The following ULK4 variants were observed in gnomAD, a reference collection of about 807,000 sequenced individuals.
ULK4 encodes inactive serine/threonine-protein kinase ULK4.
A neutral mutation model predicts 160.6 loss-of-function variants in ULK4; 133 were observed. That is an observed-to-expected ratio of 0.83 (90% confidence interval 0.72 to 0.96). ULK4 has a LOEUF of 0.96. ULK4 is among the 40% of genes least tolerant of loss of function. The pLI is 0.00. For synonymous variants in ULK4, 534 were observed against 539.8 expected (o/e 0.99, Z 0.15); for missense variants, 1,580 against 1,499.5 (o/e 1.05, Z -0.89).
At chr3:41,580,709 C>T (rs991025455) in intron 31 of ULK4, among the ~76,000 whole-genome samples, 1 of 152,144 alleles carries the variant, frequency 6.6e-6, no homozygotes, top group Admixed American at 6.5e-5. Context: ...CTGCCTCATC[C>T]GGGTGCACAG....
intron 35 of ULK4, among the ~76,000 whole-genome samples, chr3:41,384,825 T>C (rs2081763309): frequency 6.6e-6 from 1 of 152,162 alleles, no homozygotes. Context: ...CCTCAGGTGA[T>C]CCACCCACCT....
At chr3:41,392,056 G>C (rs1047127558) in intron 35 of ULK4, among the ~76,000 whole-genome samples, 1 of 152,042 alleles carries the variant, frequency 6.6e-6, no homozygotes, top group Admixed American at 6.6e-5. Context: ...TCAATATTTT[G>C]AGTGTTGGAG....
intron 22 of ULK4, among the ~76,000 whole-genome samples, chr3:41,721,600 T>C (rs951116145): frequency 6.6e-6 from 1 of 151,494 alleles, no homozygotes; most frequent in Non-Finnish European, 1.5e-5. Flanking sequence ...ACTTCTGACC[T>C]CGTGATCCAC....
At chr3:41,480,639 GTTTTA>G (rs761857821) in intron 32 of ULK4, among the ~76,000 whole-genome samples, 2 of 151,894 alleles carry the variant, frequency 1.3e-5, no homozygotes, top group Admixed American at 6.5e-5. Flanking sequence ...ATATTCTATA[GTTTTA>G]TTTTAAGAAT....
chr3:41,306,033 C>T (rs905227304), intron 35 of ULK4, among the ~76,000 whole-genome samples: 2 of 149,722 alleles, frequency 1.3e-5, no homozygotes, highest in African/African-American at 2.5e-5. Flanking sequence ...GCAGTCGCCC[C>T]GTCTGAGAAG....
intron 34 of ULK4, among the ~76,000 whole-genome samples, chr3:41,444,146 T>C (rs955334392): frequency 1.3e-5 from 2 of 152,164 alleles, no homozygotes. Flanking sequence ...TTTACCAATA[T>C]ATATTCCCAC....
At chr3:41,811,707 T>C (rs541879002) in intron 19 of ULK4, among the ~76,000 whole-genome samples, 1 of 152,268 alleles carries the variant, frequency 6.6e-6, no homozygotes, top group South Asian at 2.1e-4. Context: ...TTAGAACACA[T>C]TGGGTTAAAC....
intron 34 of ULK4, among the ~76,000 whole-genome samples, chr3:41,418,646 T>C (rs2082588868): frequency 6.6e-6 from 1 of 151,182 alleles, no homozygotes; most frequent in African/African-American, 2.4e-5. Context: ...ATCTATCTCA[T>C]GTCAATTTAA....
At chr3:41,411,151 C>T (rs2082401220) in intron 34 of ULK4, among the ~76,000 whole-genome samples, 1 of 152,082 alleles carries the variant, frequency 6.6e-6, no homozygotes, top group Non-Finnish European at 1.5e-5. Flanking sequence ...TCTTGTAAAT[C>T]AAAAACAAAA....
At chr3:41,420,642 G>A (rs975882579) in intron 34 of ULK4, among the ~76,000 whole-genome samples, 2 of 151,212 alleles carry the variant, frequency 1.3e-5, no homozygotes, top group African/African-American at 4.9e-5. Flanking sequence ...CAGCTACCAT[G>A]CCTGGCTAAT....
rs771739181 is a variant in ULK4 at position 41,715,244 on chromosome 3, G to T, written c.2627C>A (p.Thr876Asn). Residue 876 changes from threonine to asparagine, a missense_variant, in exon 25 of 37, where the codon ACT (threonine) becomes AAT (asparagine). Transcript: ENST00000301831. ...AAATTTCGTGTTACTCACAAGAATA[G>T]TTCCATAGCTGAAAAGAAACTCTTC... ...VTEEFLFSYG[T>N]ILSHIKSVDS... 1 of 1,612,928 alleles carries T rather than the reference G, an allele frequency of 6.2e-7. No individual in the cohort carries two copies. Among genetic ancestry groups the T allele is most frequent in the South Asian group, 1.1e-5 (1 of 90,918 alleles).
At chr3:41,268,678 C>A (rs2079085940) in intron 35 of ULK4, among the ~76,000 whole-genome samples, 2 of 152,040 alleles carry the variant, frequency 1.3e-5, no homozygotes, top group Non-Finnish European at 2.9e-5. Flanking sequence ...TGGTGGTGTG[C>A]ACCTGCAGTT....
chr3:41,601,354 T>C (rs528672708), intron 31 of ULK4, among the ~76,000 whole-genome samples: 11 of 152,238 alleles, frequency 7.2e-5, no homozygotes, highest in Admixed American at 7.2e-4. Context: ...AGAGAATAAA[T>C]GGGAGAGGGA....
Position 41,897,079 on chromosome 3 carries a change from C to T in ULK4, c.1349-76G>A, listed in dbSNP as rs562615810. 3 of 1,323,774 alleles carry T rather than the reference C, an allele frequency of 2.3e-6. No individual in the cohort carries two copies. The South Asian group carries it at 4.2e-5, about 18-fold the overall frequency. 82.0% of individuals were successfully genotyped at this position (1,323,774 alleles called of 1,614,324 possible). On this transcript the variant is annotated intron_variant, in intron 14 of 36. Transcript: ENST00000301831. ...CTGGAAACATTACATAAGAAATAAA[C>T]ACAGAATTACGACAGCTAAGATGAG...
chr3:41,339,638 G>A (rs1254679372), intron 35 of ULK4, among the ~76,000 whole-genome samples: 3 of 152,120 alleles, frequency 2.0e-5, no homozygotes, highest in Non-Finnish European at 4.4e-5. Context: ...AGGTGGAATG[G>A]GGCTTTTCCG....
At chr3:41,783,222 T>C (rs2039907706) in intron 21 of ULK4, among the ~76,000 whole-genome samples, 1 of 152,124 alleles carries the variant, frequency 6.6e-6, no homozygotes, top group East Asian at 1.9e-4. Context: ...ATATTCTGAA[T>C]TTTCTTTTTT....
Position 41,750,189 on chromosome 3 carries a change from G to A in ULK4, c.2321+4172C>T, listed in dbSNP as rs529981000. 2.6e-5 allele frequency among the ~76,000 whole-genome samples: 4 copies of A among 152,296 alleles called. No homozygotes were observed. The South Asian group carries it at 8.3e-4, about 32-fold the overall frequency. On this transcript the variant is annotated intron_variant, in intron 22 of 36. Coordinates refer to ENST00000301831, the MANE Select transcript of ULK4 (RefSeq NM_017886.4). ...TGGAAACTGTCAGTTTAATAAACGG[G>A]CACTGCCTTTAATGATGGAGTCTGG...
chr3:41,704,858 G>C (rs2036814508), intron 27 of ULK4, among the ~76,000 whole-genome samples, 199 bp downstream of exon 27: 2 of 152,022 alleles, frequency 1.3e-5, no homozygotes, highest in African/African-American at 4.8e-5. Flanking sequence ...GAAGGAAAGA[G>C]AATAATAAAG....
intron 32 of ULK4, among the ~76,000 whole-genome samples, chr3:41,534,848 T>C (rs1307849524): frequency 6.6e-6 from 1 of 152,198 alleles, no homozygotes. Context: ...ATTGCCTATA[T>C]ATGAGAAAAG....
Sources: allele counts gnomAD v4.1 joint callset (sites outside exome capture counted in the v4.1 genomes callset), GRCh38; gene constraint gnomAD v4.1.1; transcripts MANE v1.5; gene names NCBI Gene and HGNC (gene_info 2026-07-23, HGNC 2026-07-21).